APPL2: variants seen among roughly 807,000 people sequenced by gnomAD.
APPL2 encodes DCC-interacting protein 13-beta.
In APPL2, 84 loss-of-function variants were observed where a neutral mutation model predicts 92.7. The ratio of observed to expected loss-of-function variants is 0.91; its 90% CI spans 0.76 to 1.09. APPL2 has a LOEUF of 1.09. Ranked by LOEUF, APPL2 falls within the 50% of genes least tolerant of loss-of-function variation. The pLI is 0.00. For missense variants in APPL2, 736 were observed against 824.5 expected (o/e 0.89, Z 1.31); for synonymous variants, 291 against 291.0 (o/e 1.00, Z 0.00).
chr12:105,196,642 T>C (rs1887678068), intron 11 of APPL2, among the ~76,000 whole-genome samples: 1 of 152,050 alleles, frequency 6.6e-6, no homozygotes, highest in African/African-American at 2.4e-5. Context: ...GGTTTCTCCA[T>C]GTTGGTCATG....
At chr12:105,204,693 T>A (rs1227178367) in intron 8 of APPL2, among the ~76,000 whole-genome samples, 1 of 152,168 alleles carries the variant, frequency 6.6e-6, no homozygotes, top group Admixed American at 6.5e-5. Context: ...AATGGCACAA[T>A]GTCATGGTGG....
intron 2 of APPL2, among the ~76,000 whole-genome samples, chr12:105,228,623 C>A (rs1028427213): frequency 7.9e-5 from 12 of 152,122 alleles, no homozygotes; most frequent in Non-Finnish European, 1.2e-4. Context: ...TGCTACTCAG[C>A]AATTTCTTTT....
intron 4 of APPL2, 98 bp from the exon 5 acceptor site, chr12:105,211,415 G>A (rs891194229): frequency 3.6e-6 from 3 of 843,560 alleles, no homozygotes; most frequent in Non-Finnish European, 5.8e-6. Flanking sequence ...CTTCCGTGTG[G>A]TCACAGAGCT....
chr12:105,231,713 G>A (rs1481011725), intron 1 of APPL2, among the ~76,000 whole-genome samples: 2 of 152,208 alleles, frequency 1.3e-5, no homozygotes, highest in Non-Finnish European at 2.9e-5. Context: ...ATACCTGCCA[G>A]AGAACTACAT....
At chr12:105,215,169 C>A (rs773570554) in intron 4 of APPL2, among the ~76,000 whole-genome samples, 1 of 152,096 alleles carries the variant, frequency 6.6e-6, no homozygotes, top group Non-Finnish European at 1.5e-5. Flanking sequence ...GTTTATAGCT[C>A]GTTTGTCAGA....
chr12:105,202,549 A>G (rs1407876634), intron 9 of APPL2, among the ~76,000 whole-genome samples: 1 of 152,250 alleles, frequency 6.6e-6, no homozygotes, highest in African/African-American at 2.4e-5. Flanking sequence ...AGGAAGAGAC[A>G]GTGAAAGATG....
intron 5 of APPL2, 119 bp from the exon 6 acceptor site, chr12:105,208,318 C>T: frequency 1.7e-6 from 2 of 1,201,752 alleles, no homozygotes; most frequent in South Asian, 2.7e-5. Flanking sequence ...CCTGCACCCT[C>T]AGTCCCTGGC....
Position 105,199,457 on chromosome 12 carries a change from G to T in APPL2, c.779C>A (p.Ser260Tyr). 1 of 1,614,188 alleles carries T rather than the reference G, an allele frequency of 6.2e-7. No homozygotes were observed. The highest frequency in any genetic ancestry group is 8.5e-7 in the Non-Finnish European group (1 of 1,180,028). The change falls in exon 10 of 21, where the codon TCT becomes TAT. Residue 260 changes from serine to tyrosine, a missense_variant. Physicochemically the swap from Ser to Tyr is moderately radical, Grantham distance 144. Coordinates refer to ENST00000258530, the MANE Select transcript of APPL2 (RefSeq NM_018171.5). ...SQQELLSVDE[S>Y]VYTPDSDVAA... ...CACATCAGAGTCTGGAGTGTAAACA[G>T]ATTCATCAACAGAAAGTAATTCTTG...
intron 1 of APPL2, among the ~76,000 whole-genome samples, chr12:105,232,444 T>G (rs1444747565): frequency 6.6e-6 from 1 of 152,092 alleles, no homozygotes; most frequent in African/African-American, 2.4e-5. Context: ...CTGAGAAAAT[T>G]TTAAGGTTAT....
chr12:105,223,404 A>G (rs1043594466), intron 2 of APPL2, among the ~76,000 whole-genome samples: 1 of 152,188 alleles, frequency 6.6e-6, no homozygotes, highest in African/African-American at 2.4e-5. Flanking sequence ...AAGGATTCCA[A>G]AGGAATTCTG....
chr12:105,188,752 C>T lies in APPL2; in HGVS notation c.1460-305G>A, dbSNP rs990225533. 3.9e-5 allele frequency among the ~76,000 whole-genome samples: 6 copies of T among 152,274 alleles called. No homozygotes were observed. In the East Asian group the frequency reaches 7.7e-4, roughly 20 times the overall value. ...TGAAACTCTAGGTGACTACATTGTA[C>T]CTTTTCTCTGAAAAGAGTGAGTTCA... is the stretch of plus-strand genomic sequence containing the variant. On this transcript the variant is annotated intron_variant, in intron 16 of 20. Coordinates refer to ENST00000258530, the MANE Select transcript of APPL2 (RefSeq NM_018171.5).
chr12:105,200,803 T>A (rs1437035118), intron 9 of APPL2, among the ~76,000 whole-genome samples: 1 of 152,170 alleles, frequency 6.6e-6, no homozygotes, highest in Non-Finnish European at 1.5e-5. Flanking sequence ...ACGTTGGGCT[T>A]GGACATTCCA....
chr12:105,182,058 CTT>C (rs1566050657), intron 17 of APPL2, among the ~76,000 whole-genome samples: 1 of 151,990 alleles, frequency 6.6e-6, no homozygotes. Context: ...GAGTTTTGCT[CTT>C]GTTGCCCAGG....
In APPL2 at chr12:105,173,304, CAG is replaced by C. The variant is rs1322618198; in HGVS notation, c.*1008_*1009del. On this transcript the variant is annotated 3_prime_UTR_variant, in exon 21 of 21. Coordinates refer to ENST00000258530, the MANE Select transcript of APPL2 (RefSeq NM_018171.5). ...AAATAACCACATCTAACGAAAGAAA[CAG>C]AATATTTTTTATTGCTAGGTTAATT... 12 of 151,954 alleles carry C rather than the reference CAG, an allele frequency of 7.9e-5. No homozygotes were observed. The highest frequency in any genetic ancestry group is 1.3e-4 in the Non-Finnish European group (9 of 67,998). The allele number at this position is 151,954 out of a possible 1,614,324, so 9.4% of individuals were successfully genotyped here. A position where few individuals can be genotyped will look rare whatever the true frequency, so the allele number is the denominator to read the frequency against.
intron 4 of APPL2, among the ~76,000 whole-genome samples, chr12:105,215,489 C>T (rs1379401717): frequency 6.6e-6 from 1 of 152,160 alleles, no homozygotes; most frequent in South Asian, 2.1e-4. Flanking sequence ...ACTTTTACAT[C>T]CCCCGTGCCT....
chr12:105,176,696 C>T, intron 19 of APPL2, 180 bp downstream of exon 19: 1 of 739,708 alleles, frequency 1.4e-6, no homozygotes, highest in Non-Finnish European at 2.1e-6. Flanking sequence ...GTATTTTCCA[C>T]AGAGAAATTT....
At chr12:105,206,985 A>C (rs916526303) in intron 8 of APPL2, 76 bp downstream of exon 8, 42 of 1,524,564 alleles carry the variant, frequency 2.8e-5, no homozygotes, top group Middle Eastern at 2.1e-4. Context: ...ACGATGCTTC[A>C]GTGTCTCCTG....
At chr12:105,222,246 C>A (rs1039233153) in intron 2 of APPL2, among the ~76,000 whole-genome samples, 3 of 152,020 alleles carry the variant, frequency 2.0e-5, no homozygotes, top group African/African-American at 7.3e-5. Context: ...GGAACTCAGG[C>A]AGGAGTATGA....
intron 9 of APPL2, 148 bp downstream of exon 9, chr12:105,203,555 G>T (rs1888409526): frequency 4.4e-6 from 3 of 680,406 alleles, no homozygotes; most frequent in Non-Finnish European, 7.8e-6. Context: ...GGCAGCTAAG[G>T]CAAGGGCACT....
Sources: allele counts gnomAD v4.1 joint callset (sites outside exome capture counted in the v4.1 genomes callset), GRCh38; gene constraint gnomAD v4.1.1; transcripts MANE v1.5; gene names NCBI Gene and HGNC (gene_info 2026-07-23, HGNC 2026-07-21).